AFF1: variants seen among roughly 807,000 people sequenced by gnomAD.
AFF1 encodes the protein ALF transcription elongation factor 1, also known as AF4/FMR2 family member 1.
A neutral mutation model predicts 121.7 loss-of-function variants in AFF1; 48 were observed. The ratio of observed to expected loss-of-function variants is 0.39; its 90% CI spans 0.31 to 0.50. The LOEUF (loss-of-function observed/expected upper bound fraction) is 0.50, where lower values mean the gene tolerates loss of function less well. Ranked by LOEUF, AFF1 falls within the 20% of genes least tolerant of loss-of-function variation. The pLI is 0.76. For synonymous variants in AFF1, 613 were observed against 563.0 expected (o/e 1.09, Z -1.26); for missense variants, 1,523 against 1,511.7 (o/e 1.01, Z -0.12).
At chr4:87,066,279 A>T (rs1471539060) in intron 4 of AFF1, among the ~76,000 whole-genome samples, 3 of 152,172 alleles carry the variant, frequency 2.0e-5, no homozygotes, top group Non-Finnish European at 4.4e-5. Context: ...TTGGCTTTCT[A>T]GTGACCGGTC....
intron 1 of AFF1, among the ~76,000 whole-genome samples, chr4:86,938,464 AAAAG>A (rs1467530692): frequency 2.3e-4 from 35 of 151,848 alleles, no homozygotes; most frequent in African/African-American, 6.3e-4. Flanking sequence ...AAAAAAAAAA[AAAAG>A]AAAAGGAAAA....
intron 4 of AFF1, among the ~76,000 whole-genome samples, chr4:87,064,971 G>A (rs1721189742): frequency 6.6e-6 from 1 of 151,964 alleles, no homozygotes; most frequent in Non-Finnish European, 1.5e-5. Flanking sequence ...CACAGGAAGT[G>A]TAGGCTGCAG....
chr4:87,067,272 G>A (rs1417000229), intron 4 of AFF1, among the ~76,000 whole-genome samples: 1 of 152,182 alleles, frequency 6.6e-6, no homozygotes, highest in East Asian at 1.9e-4. Flanking sequence ...TGTTTAAGCC[G>A]TTTCCATGCA....
intron 2 of AFF1, among the ~76,000 whole-genome samples, chr4:87,004,600 T>C (rs1303339455): frequency 6.6e-6 from 1 of 152,222 alleles, no homozygotes; most frequent in East Asian, 1.9e-4. Context: ...GGATTTCAGA[T>C]TTTTTCTGAT....
At chr4:86,990,879 C>T (rs968766448) in intron 2 of AFF1, among the ~76,000 whole-genome samples, 1 of 152,286 alleles carries the variant, frequency 6.6e-6, no homozygotes, top group South Asian at 2.1e-4. Context: ...AGGCTGAGCG[C>T]GGTGGCTCAC....
At chr4:86,989,998 G>A (rs1465411733) in intron 2 of AFF1, among the ~76,000 whole-genome samples, 8 of 152,064 alleles carry the variant, frequency 5.3e-5, no homozygotes, top group Admixed American at 3.9e-4. Flanking sequence ...GACACAGGGA[G>A]GGGAACATCA....
At chr4:87,057,302 T>G (rs747319244) in intron 4 of AFF1, among the ~76,000 whole-genome samples, 14 of 152,290 alleles carry the variant, frequency 9.2e-5, no homozygotes, top group South Asian at 4.1e-4. Context: ...TTGAAATTCT[T>G]TAGTTATTTA....
chr4:87,011,512 A>C (rs779861692), intron 2 of AFF1, among the ~76,000 whole-genome samples: 28 of 152,160 alleles, frequency 1.8e-4, no homozygotes, highest in Admixed American at 5.2e-4. Flanking sequence ...TTTTTGAGCT[A>C]GTGATTACCT....
intron 12 of AFF1, among the ~76,000 whole-genome samples, chr4:87,117,510 T>A (rs1338804488): frequency 2.6e-5 from 4 of 152,104 alleles, no homozygotes; most frequent in African/African-American, 9.7e-5. Context: ...TTTTAAAAAT[T>A]CCTCTGGTAA....
intron 4 of AFF1, among the ~76,000 whole-genome samples, chr4:87,078,574 C>G (rs1464930472): frequency 6.6e-6 from 1 of 152,116 alleles, no homozygotes; most frequent in East Asian, 1.9e-4. Flanking sequence ...GGGATGTTTT[C>G]CAAAAGATGT....
At chr4:87,037,377 T>C (rs1357262895) in intron 2 of AFF1, among the ~76,000 whole-genome samples, 1 of 152,128 alleles carries the variant, frequency 6.6e-6, no homozygotes, top group Non-Finnish European at 1.5e-5. Flanking sequence ...AGTGGCGCGT[T>C]CTCAGCTCAC....
At chr4:87,080,157 G>A (rs1723029057) in intron 4 of AFF1, among the ~76,000 whole-genome samples, 1 of 152,144 alleles carries the variant, frequency 6.6e-6, no homozygotes, top group Admixed American at 6.6e-5. Context: ...GATGGCTCTA[G>A]ATAGGCAGAA....
At chr4:87,036,852 A>G (rs747422747) in intron 2 of AFF1, 22 of 426,198 alleles carry the variant, frequency 5.2e-5, no homozygotes, top group Non-Finnish European at 1.8e-5. Context: ...CCTTTTTTTG[A>G]GACGGCTTCT....
chr4:86,960,392 C>G (rs545719513), intron 2 of AFF1, among the ~76,000 whole-genome samples: 1 of 152,266 alleles, frequency 6.6e-6, no homozygotes, highest in South Asian at 2.1e-4. Context: ...CTGCTCCTCT[C>G]AGGAGACTGA....
intron 4 of AFF1, among the ~76,000 whole-genome samples, chr4:87,083,403 A>G (rs902886136): frequency 6.6e-6 from 1 of 152,176 alleles, no homozygotes; most frequent in Non-Finnish European, 1.5e-5. Flanking sequence ...GCTGACTTTA[A>G]GTGAGATATT....
chr4:87,088,860 C>T (rs548819784), intron 5 of AFF1, among the ~76,000 whole-genome samples: 1 of 152,230 alleles, frequency 6.6e-6, no homozygotes, highest in South Asian at 2.1e-4. Flanking sequence ...TCACTGCAAC[C>T]TCAGCCTCCC....
intron 4 of AFF1, among the ~76,000 whole-genome samples, chr4:87,070,165 C>T (rs970314338): frequency 9.2e-5 from 14 of 152,084 alleles, no homozygotes; most frequent in African/African-American, 2.4e-4. Flanking sequence ...CACCACACCA[C>T]GCTAATTTTT....
At chr4:87,063,996 T>G (rs1721077135) in intron 4 of AFF1, among the ~76,000 whole-genome samples, 1 of 152,232 alleles carries the variant, frequency 6.6e-6, no homozygotes, top group Non-Finnish European at 1.5e-5. Context: ...TTAATTTTAG[T>G]CAAGTTTTTA....
intron 2 of AFF1, among the ~76,000 whole-genome samples, chr4:86,954,095 A>G (rs535095215): frequency 9.9e-5 from 15 of 152,276 alleles, no homozygotes; most frequent in Admixed American, 2.0e-4. Context: ...CCTTTCAGCT[A>G]CTACCTCCCT....
Sources: allele counts gnomAD v4.1 joint callset (sites outside exome capture counted in the v4.1 genomes callset), GRCh38; gene constraint gnomAD v4.1.1; transcripts MANE v1.5; gene names NCBI Gene and HGNC (gene_info 2026-07-23, HGNC 2026-07-21).